The following RGS17 variants were observed in gnomAD, a reference collection of about 807,000 sequenced individuals.
RGS17 encodes regulator of G-protein signaling 17.
RGS17 carries 12 observed loss-of-function variants against 25.5 expected under a neutral mutation model. That is an observed-to-expected ratio of 0.47 (90% CI 0.30 to 0.76). RGS17 has a LOEUF of 0.76. Ranked by LOEUF, RGS17 falls within the 30% of genes least tolerant of loss-of-function variation. RGS17 has a pLI of 0.07. For synonymous variants in RGS17, 71 were observed against 76.9 expected, an observed-to-expected ratio of 0.92 and a Z score of 0.40; for missense variants, 196 against 242.2, an observed-to-expected ratio of 0.81 and a Z score of 1.27.
chr6:153,116,020 C>T (rs1379708148), intron 1 of RGS17, among the ~76,000 whole-genome samples: 1 of 152,110 alleles, frequency 6.6e-6, no homozygotes, highest in Non-Finnish European at 1.5e-5. Flanking sequence ...TGGGCAAAAA[C>T]TTCATGAGTA....
At chr6:153,012,068 G>C (rs1184726593) in intron 4 of RGS17, among the ~76,000 whole-genome samples, 1 of 152,176 alleles carries the variant, frequency 6.6e-6, no homozygotes, top group Non-Finnish European at 1.5e-5. Context: ...TCATGGTTGA[G>C]ATACCAGAAA....
intron 1 of RGS17, among the ~76,000 whole-genome samples, chr6:153,127,228 T>C (rs191738248): frequency 6.6e-6 from 1 of 152,318 alleles, no homozygotes; most frequent in Non-Finnish European, 1.5e-5. Flanking sequence ...CCTGCTGTGC[T>C]GCTGGCTTCC....
chr6:153,038,608 A>C (rs985871600), intron 2 of RGS17, among the ~76,000 whole-genome samples: 8 of 152,210 alleles, frequency 5.3e-5, no homozygotes, highest in Admixed American at 3.3e-4. Flanking sequence ...AGAGGAAACC[A>C]TGTATGCTCT....
At chr6:153,109,532 C>G (rs190445937) in intron 1 of RGS17, among the ~76,000 whole-genome samples, 1 of 152,310 alleles carries the variant, frequency 6.6e-6, no homozygotes, top group African/African-American at 2.4e-5. Context: ...GTAATACAGA[C>G]AATATCACGA....
rs1779082342 is a variant in RGS17, at chr6:153,006,891, C to T, written c.*4683G>A. 1 of 152,066 alleles carries T rather than the reference C, an allele frequency of 6.6e-6. No homozygotes were observed. The allele number at this position is 152,066 out of a possible 1,614,324, so 9.4% of individuals were successfully genotyped here. On this transcript the variant is annotated 3_prime_UTR_variant, in exon 5 of 5. Coordinates refer to ENST00000206262, the MANE Select transcript of RGS17 (RefSeq NM_012419.5). Reference sequence around the variant, plus strand: ...GAAATCAAATTTGTAATTTTAAGTTCCTGATGTTTTTACACTATGCTCCCT... The same window carrying T: ...GAAATCAAATTTGTAATTTTAAGTTTCTGATGTTTTTACACTATGCTCCCT...
At chr6:153,097,364 T>A (rs1777231824) in intron 1 of RGS17, among the ~76,000 whole-genome samples, 1 of 137,674 alleles carries the variant, frequency 7.3e-6, no homozygotes, top group East Asian at 2.3e-4. Context: ...AGTGGCACCA[T>A]CTCAGCTCAC....
chr6:153,068,801 T>C (rs545509011), intron 1 of RGS17, among the ~76,000 whole-genome samples: 3 of 152,094 alleles, frequency 2.0e-5, no homozygotes, highest in African/African-American at 7.2e-5. Flanking sequence ...AACATCTGAA[T>C]AGATATTTCT....
At chr6:153,127,772 T>C (rs1342501075) in intron 1 of RGS17, among the ~76,000 whole-genome samples, 1 of 152,216 alleles carries the variant, frequency 6.6e-6, no homozygotes, top group Non-Finnish European at 1.5e-5. Flanking sequence ...CCTCCAAAGA[T>C]GTAGGACCAT....
chr6:153,062,185 C>T (rs1303716099), intron 1 of RGS17, among the ~76,000 whole-genome samples: 13 of 149,582 alleles, frequency 8.7e-5, no homozygotes, highest in Non-Finnish European at 5.9e-5. Context: ...TGCATACTCA[C>T]AATACCTGGT....
Position 153,020,098 on chromosome 6 carries a change from C to CTT in RGS17, c.444+4162_444+4163dup, listed in dbSNP as rs201619676. 6.0e-3 allele frequency among the ~76,000 whole-genome samples: 313 copies of CTT among 51,808 alleles called. 6 individuals carry two copies. Among genetic ancestry groups the CTT allele is most frequent in the African/African-American group, 0.029 (299 of 10,278 alleles). 34.0% of individuals were successfully genotyped at this position (51,808 alleles called of 152,430 possible). ...TATGTCACCTCCTAATTGCAAATAT[C>CTT]TTAAAAAAAAAAAATATATATATAT... On this transcript the variant is annotated intron_variant, in intron 4 of 4. Transcript: ENST00000206262.
intron 1 of RGS17, among the ~76,000 whole-genome samples, chr6:153,118,937 T>A (rs1777582256): frequency 1.3e-5 from 2 of 152,184 alleles, no homozygotes; most frequent in Admixed American, 6.5e-5. Context: ...TATTACAGTG[T>A]CTTCATTCTC....
chr6:153,054,067 CATATATATAT>C (rs1235687566), intron 1 of RGS17, among the ~76,000 whole-genome samples: 427 of 39,878 alleles, frequency 0.011, 13 homozygotes, highest in African/African-American at 0.044. Flanking sequence ...AATATATATA[CATATATATAT>C]ACACACAATA....
chr6:153,115,777 C>A (rs1454309098), intron 1 of RGS17, among the ~76,000 whole-genome samples: 4 of 152,054 alleles, frequency 2.6e-5, no homozygotes, highest in Non-Finnish European at 4.4e-5. Flanking sequence ...GCCACATCTA[C>A]AATCATCTGA....
At chr6:153,052,914 CA>C (rs1193729982) in intron 1 of RGS17, among the ~76,000 whole-genome samples, 3 of 152,100 alleles carry the variant, frequency 2.0e-5, no homozygotes, top group Non-Finnish European at 4.4e-5. Context: ...AAGGGACCCC[CA>C]GATTACTCTC....
chr6:153,120,191 T>C (rs1015368715), intron 1 of RGS17, among the ~76,000 whole-genome samples: 1 of 152,236 alleles, frequency 6.6e-6, no homozygotes, highest in African/African-American at 2.4e-5. Flanking sequence ...AAGATCATAC[T>C]TGTTACTTCC....
At chr6:153,057,370 C>T (rs1462238201) in intron 1 of RGS17, among the ~76,000 whole-genome samples, 1 of 152,088 alleles carries the variant, frequency 6.6e-6, no homozygotes, top group Non-Finnish European at 1.5e-5. Context: ...CTTGAAGTCA[C>T]CAAATTTTTA....
chr6:153,027,159 C>A (rs1779311870), intron 2 of RGS17, among the ~76,000 whole-genome samples: 1 of 152,044 alleles, frequency 6.6e-6, no homozygotes, highest in Non-Finnish European at 1.5e-5. Flanking sequence ...AGTAACTGAG[C>A]ATTTGGAACA....
At chr6:153,101,225 G>A (rs1454359531) in intron 1 of RGS17, among the ~76,000 whole-genome samples, 1 of 152,216 alleles carries the variant, frequency 6.6e-6, no homozygotes, top group Non-Finnish European at 1.5e-5. Context: ...ACACGGATTT[G>A]AACTGCGGAG....
At chr6:153,065,345 A>T (rs1330419954) in intron 1 of RGS17, among the ~76,000 whole-genome samples, 1 of 152,246 alleles carries the variant, frequency 6.6e-6, no homozygotes, top group Admixed American at 6.5e-5. Context: ...GCCCCAGTAC[A>T]GTAATGGCTA....
Sources: gnomAD v4.1 joint callset for allele counts (sites outside exome capture counted in the v4.1 genomes callset) on GRCh38, gnomAD v4.1.1 for gene constraint, MANE v1.5 for transcripts, NCBI Gene and HGNC (gene_info 2026-07-23, HGNC 2026-07-21) for gene names.